Variants in LIFR observed in about 807,000 individuals in gnomAD.
LIFR encodes LIF receptor subunit alpha, also known as leukemia inhibitory factor receptor.
In LIFR, 84 loss-of-function variants were observed where a neutral mutation model predicts 122.2. That is an observed-to-expected ratio of 0.69 (90% CI 0.58 to 0.82). LIFR has a LOEUF of 0.82. LIFR is among the 40% of genes least tolerant of loss of function. The probability of loss-of-function intolerance (pLI) is 0.00; values close to 1 mark genes in which losing one functional copy is unlikely to be tolerated. For missense variants in LIFR, 1,294 were observed against 1,311.6 expected (o/e 0.99, Z 0.21); for synonymous variants, 422 against 434.7 (o/e 0.97, Z 0.36).
chr5:38,589,093 G>C (rs373675063), intron 1 of LIFR, among the ~76,000 whole-genome samples: 1 of 150,772 alleles, frequency 6.6e-6, no homozygotes, highest in East Asian at 1.9e-4. Flanking sequence ...GGCCTCCTGG[G>C]TTCATGCCAT....
rs1743674618 is a variant in LIFR at position 38,475,330 on chromosome 5, CAT to C, written c.*6263_*6264del. On this transcript the variant is annotated 3_prime_UTR_variant, in exon 20 of 20. Coordinates refer to ENST00000453190, the MANE Select transcript of LIFR (RefSeq NM_001127671.2). ...TCTGTGAATCAGACTGAATCACACACATGTACTTCATCTATAGTTTTCTTCCT... is the reference window on the plus strand; with the variant it reads ...TCTGTGAATCAGACTGAATCACACACGTACTTCATCTATAGTTTTCTTCCT... 1 of 196,512 alleles carries C rather than the reference CAT, an allele frequency of 5.1e-6. No individual in the cohort carries two copies. Among genetic ancestry groups the C allele is most frequent in the African/African-American group, 2.3e-5 (1 of 43,300 alleles). 12.2% of individuals were successfully genotyped at this position (196,512 alleles called of 1,614,324 possible).
Position 38,538,898 on chromosome 5 carries a change from C to A in LIFR, c.-19-8232G>T, listed in dbSNP as rs140997638. ...ACAACCGTCCACACTAAAATTCACA[C>A]GTCTATTCCGCAATCTTCTTCCACC... is the stretch of plus-strand genomic sequence containing the variant. On this transcript the variant is annotated intron_variant, in intron 1 of 19. Transcript: ENST00000453190. Among the ~76,000 whole-genome samples, 420 of 152,332 alleles carry A rather than the reference C, an allele frequency of 2.8e-3. 3 individuals are homozygous for A. Among genetic ancestry groups the A allele is most frequent in the African/African-American group, 9.7e-3 (402 of 41,576 alleles).
intron 4 of LIFR, among the ~76,000 whole-genome samples, chr5:38,525,612 G>C (rs760134006): frequency 2.0e-5 from 3 of 152,194 alleles, no homozygotes; most frequent in Non-Finnish European, 4.4e-5. Context: ...CTAAACTACA[G>C]AGCAAAGTCA....
chr5:38,592,913 G>A lies in LIFR; in HGVS notation c.-20+2348C>T, dbSNP rs114556953. ...CCTGATTAGCCAGGAAAGAATCAAGGAGAAGGAGCAGCTGGGCGTGGTGGC... is the reference window on the plus strand; with the variant it reads ...CCTGATTAGCCAGGAAAGAATCAAGAAGAAGGAGCAGCTGGGCGTGGTGGC... On this transcript the variant is annotated intron_variant, in intron 1 of 19. Transcript: ENST00000263409. Among the ~76,000 whole-genome samples the A allele has an allele frequency of 8.2e-3, 1,251 of 151,812 alleles. 15 individuals are homozygous for A. The highest frequency in any genetic ancestry group is 0.028 in the African/African-American group (1,141 of 41,400).
intron 5 of LIFR, among the ~76,000 whole-genome samples, chr5:38,513,178 T>C (rs922182375): frequency 6.6e-5 from 10 of 152,040 alleles, no homozygotes; most frequent in Non-Finnish European, 8.8e-5. Context: ...AGACAAAATA[T>C]AGAAATAAAG....
chr5:38,506,475 T>A (rs1168800906), intron 8 of LIFR, 28 bp downstream of exon 8: 1 of 1,613,598 alleles, frequency 6.2e-7, no homozygotes, highest in Admixed American at 1.7e-5. Flanking sequence ...CTCCTTGCCA[T>A]CTGACATCTT....
At chr5:38,571,529 C>CAAAAAAA (rs11297745) in intron 1 of LIFR, among the ~76,000 whole-genome samples, 5 of 74,692 alleles carry the variant, frequency 6.7e-5, no homozygotes, top group Non-Finnish European at 7.3e-5. Flanking sequence ...CATTCCAGCT[C>CAAAAAAA]AAAAAAAAAA....
intron 8 of LIFR, 31 bp from the exon 9 acceptor site, chr5:38,506,105 T>A: frequency 6.9e-7 from 1 of 1,453,894 alleles, no homozygotes; most frequent in South Asian, 1.2e-5. Context: ...AATTTCAAAA[T>A]GGCAAGAGAT....
intron 11 of LIFR, among the ~76,000 whole-genome samples, chr5:38,501,471 C>T (rs1019587355): frequency 3.3e-5 from 5 of 152,066 alleles, no homozygotes; most frequent in Non-Finnish European, 5.9e-5. Flanking sequence ...AAACCTATTT[C>T]GGCCGGGCAC....
upstream of LIFR, among the ~76,000 whole-genome samples, chr5:38,596,872 T>G (rs542797785): frequency 6.6e-6 from 1 of 151,848 alleles, no homozygotes; most frequent in African/African-American, 2.4e-5. Context: ...AAATGCAAAA[T>G]CAGCTCCTTT....
chr5:38,491,003 A>G (rs1744561710), intron 14 of LIFR, among the ~76,000 whole-genome samples: 1 of 152,148 alleles, frequency 6.6e-6, no homozygotes, highest in South Asian at 2.1e-4. Context: ...GAGTTGGAAA[A>G]AGCAAACAAA....
Position 38,528,760 on chromosome 5 carries a change from G to A in LIFR, c.223C>T (p.Arg75Cys), listed in dbSNP as rs757473568. 4.4e-6 allele frequency: 7 copies of A among 1,596,656 alleles called. No homozygotes were observed. Among genetic ancestry groups the A allele is most frequent in the East Asian group, 2.3e-5 (1 of 44,400 alleles). ...ATGCAAACTTCATAATCAGTACCAC[G>A]GCCTGTTCCAGAGGGTGCTTTCCAA... ...CSWKAPSGTG[R>C]GTDYEVCIEN... is the part of the protein sequence containing the mutation. Residue 75 changes from arginine (R) to cysteine (C), a missense_variant, in exon 3 of 20, where the codon CGT becomes TGT. Physicochemically the swap from Arg to Cys is radical, Grantham distance 180. Coordinates refer to ENST00000453190, the MANE Select transcript of LIFR (RefSeq NM_001127671.2).
rs371271189 is a variant in LIFR, at chr5:38,504,415, C to A, written c.1292-294G>T. On this transcript the variant is annotated intron_variant, in intron 9 of 19. Transcript: ENST00000453190. ...ACTTCTAATTTACTTAGGGAATGAC[C>A]AAAAAAAAAAAAGAAAAGAAAAAAG... 8.2e-3 allele frequency among the ~76,000 whole-genome samples: 989 copies of A among 120,176 alleles called. 2 individuals are homozygous for A. Among genetic ancestry groups the A allele is most frequent in the African/African-American group, 0.012 (369 of 31,742 alleles). 78.8% of individuals were successfully genotyped at this position (120,176 alleles called of 152,430 possible).
At chr5:38,563,938 C>A (rs1179325792) in intron 1 of LIFR, among the ~76,000 whole-genome samples, 1 of 152,170 alleles carries the variant, frequency 6.6e-6, no homozygotes, top group Non-Finnish European at 1.5e-5. Context: ...CACCGTAGTG[C>A]CGCTGTGAGT....
chr5:38,533,574 C>T (rs749165771), intron 1 of LIFR, among the ~76,000 whole-genome samples: 2 of 152,022 alleles, frequency 1.3e-5, no homozygotes, highest in African/African-American at 4.8e-5. Context: ...GCTTTTCTGC[C>T]GAAGAAAATT....
intron 7 of LIFR, 52 bp downstream of exon 7, chr5:38,510,412 G>T: frequency 2.6e-6 from 4 of 1,532,378 alleles, no homozygotes; most frequent in Non-Finnish European, 3.6e-6. Flanking sequence ...AGGCTTTCAA[G>T]GAAGACCAAA....
At chr5:38,505,266 G>A (rs1561153184) in intron 9 of LIFR, among the ~76,000 whole-genome samples, 1 of 152,080 alleles carries the variant, frequency 6.6e-6, no homozygotes. Flanking sequence ...TGTTGTCAAG[G>A]CACAGGGATG....
At chr5:38,509,362 G>A (rs982319804) in intron 7 of LIFR, among the ~76,000 whole-genome samples, 3 of 152,024 alleles carry the variant, frequency 2.0e-5, no homozygotes, top group African/African-American at 7.2e-5. Context: ...ATTTAAATTT[G>A]AACATAACCT....
intron 12 of LIFR, 28 bp from the exon 13 acceptor site, chr5:38,496,623 A>G (rs758195838): frequency 1.3e-6 from 2 of 1,502,270 alleles, no homozygotes; most frequent in Non-Finnish European, 9.3e-7. Flanking sequence ...ATTGTTATAA[A>G]ACCCTGCAAA....
Sources: gnomAD v4.1 joint callset for allele counts (sites outside exome capture counted in the v4.1 genomes callset) on GRCh38, gnomAD v4.1.1 for gene constraint, MANE v1.5 for transcripts, NCBI Gene and HGNC (gene_info 2026-07-23, HGNC 2026-07-21) for gene names.